The following ROBO2 variants were observed in gnomAD, a reference collection of about 807,000 sequenced individuals.
The protein encoded by ROBO2 is roundabout guidance receptor 2, also known as roundabout homolog 2.
A neutral mutation model predicts 160.8 loss-of-function variants in ROBO2; 53 were observed. That is an observed-to-expected ratio of 0.33 (90% CI 0.26 to 0.41). The LOEUF is 0.41. ROBO2 is among the 10% of genes least tolerant of loss of function. The pLI, the probability that ROBO2 is intolerant of heterozygous loss-of-function variation, is 1.00. For synonymous variants in ROBO2, 664 were observed against 611.7 expected (o/e 1.09, Z -1.26); for missense variants, 1,577 against 1,722.4 (o/e 0.92, Z 1.49).
chr3:76,977,203 A>G (rs2059858015), intron 2 of ROBO2, among the ~76,000 whole-genome samples: 1 of 152,216 alleles, frequency 6.6e-6, no homozygotes, highest in African/African-American at 2.4e-5. Context: ...AGCTCATGAT[A>G]TAAACATTAT....
intron 2 of ROBO2, among the ~76,000 whole-genome samples, chr3:76,718,835 C>T (rs374992883): frequency 6.6e-6 from 1 of 152,274 alleles, no homozygotes; most frequent in East Asian, 1.9e-4. Context: ...AAACTGAAAA[C>T]CATTGCCTAG....
chr3:76,221,753 A>C (rs1156614235), intron 2 of ROBO2, among the ~76,000 whole-genome samples: 1 of 152,122 alleles, frequency 6.6e-6, no homozygotes, highest in Non-Finnish European at 1.5e-5. Context: ...GCCCATTGCC[A>C]CACTTTTTTG....
At chr3:76,940,603 T>A (rs894216069) in intron 2 of ROBO2, among the ~76,000 whole-genome samples, 1 of 152,206 alleles carries the variant, frequency 6.6e-6, no homozygotes, top group Non-Finnish European at 1.5e-5. Flanking sequence ...ACAATAGGCA[T>A]CCATCGGCAG....
intron 2 of ROBO2, among the ~76,000 whole-genome samples, chr3:76,028,970 A>G (rs2066831013): frequency 6.6e-6 from 1 of 152,070 alleles, no homozygotes; most frequent in African/African-American, 2.4e-5. Context: ...CTATGAGCAT[A>G]TTTGCCAAAT....
rs565715893 is a variant in ROBO2, at chr3:76,916,240, G to A, written c.110-181774G>A. Among the ~76,000 whole-genome samples the A allele has an allele frequency of 2.2e-4, 33 of 152,278 alleles. No individual in the cohort carries two copies. The South Asian group carries it at 6.6e-3, about 31-fold the overall frequency. The stretch of plus-strand genomic sequence containing the variant: ...ATGAACTACATGAATATCTGTACTC[G>A]AATGAGACTTGTTTATGCAGCCATC... On this transcript the variant is annotated intron_variant, in intron 2 of 26. Transcript: ENST00000487694.
chr3:77,319,141 C>T (rs1429298257), intron 2 of ROBO2, among the ~76,000 whole-genome samples: 3 of 152,122 alleles, frequency 2.0e-5, no homozygotes, highest in African/African-American at 7.2e-5. Flanking sequence ...TGGGCAATGG[C>T]TAAGTCCATT....
intron 2 of ROBO2, among the ~76,000 whole-genome samples, chr3:76,986,024 A>G (rs1402848707): frequency 1.3e-5 from 2 of 152,200 alleles, no homozygotes; most frequent in Non-Finnish European, 2.9e-5. Context: ...CCCACTGACT[A>G]TAAATCTAAT....
chr3:77,300,183 A>ATT (rs199652959), intron 2 of ROBO2, among the ~76,000 whole-genome samples: 12 of 143,334 alleles, frequency 8.4e-5, no homozygotes, highest in African/African-American at 1.6e-4. Flanking sequence ...AGGGAAATGA[A>ATT]TTTTTTTTTT....
At chr3:77,205,290 G>A (rs2083317435) in intron 2 of ROBO2, among the ~76,000 whole-genome samples, 1 of 152,018 alleles carries the variant, frequency 6.6e-6, no homozygotes, top group South Asian at 2.1e-4. Flanking sequence ...AGCTGGGCGG[G>A]GGCAATGGAC....
intron 2 of ROBO2, among the ~76,000 whole-genome samples, chr3:76,010,302 G>A (rs2066157004): frequency 6.6e-6 from 1 of 152,214 alleles, no homozygotes; most frequent in South Asian, 2.1e-4. Flanking sequence ...TGCCTGCTGT[G>A]TATATGCAGC....
chr3:75,915,962 TA>T (rs1180883308), intron 1 of ROBO2, among the ~76,000 whole-genome samples: 1 of 152,216 alleles, frequency 6.6e-6, no homozygotes, highest in African/African-American at 2.4e-5. Context: ...GTAACACTTA[TA>T]AAAACAGTAT....
chr3:77,403,614 G>A (rs1340762453), intron 2 of ROBO2, among the ~76,000 whole-genome samples: 12 of 37,370 alleles, frequency 3.2e-4, no homozygotes, highest in African/African-American at 1.6e-3. Flanking sequence ...GTGTGTGTGT[G>A]TGTATTTTTT....
At chr3:76,944,201 A>T (rs1483978176) in intron 2 of ROBO2, among the ~76,000 whole-genome samples, 1 of 152,152 alleles carries the variant, frequency 6.6e-6, no homozygotes, top group Non-Finnish European at 1.5e-5. Flanking sequence ...AAAAAACAAC[A>T]CTTTTTAAAA....
At chr3:76,410,753 A>G (rs2075445121) in intron 2 of ROBO2, among the ~76,000 whole-genome samples, 1 of 152,208 alleles carries the variant, frequency 6.6e-6, no homozygotes, top group Non-Finnish European at 1.5e-5. Flanking sequence ...ATATGAGAAT[A>G]TACATGTCTT....
rs74937185 is a variant in ROBO2, at chr3:76,103,558, G to A, written c.109+165956G>A. ...AGTGGCAAAGAAAGGGGAGAGGACC[G>A]TTATCATTATGTTTTTATACTGATT... On this transcript the variant is annotated intron_variant, in intron 2 of 26. Transcript: ENST00000487694. 7.1e-3 allele frequency among the ~76,000 whole-genome samples: 1,082 copies of A among 152,246 alleles called. 66 individuals carry two copies. The East Asian group carries it at 0.16, about 22-fold the overall frequency.
At chr3:75,942,002 T>C (rs1303917045) in intron 2 of ROBO2, among the ~76,000 whole-genome samples, 1 of 152,180 alleles carries the variant, frequency 6.6e-6, no homozygotes, top group Non-Finnish European at 1.5e-5. Flanking sequence ...TTCGGTTCCT[T>C]ACAATCGTTT....
intron 2 of ROBO2, among the ~76,000 whole-genome samples, chr3:77,373,915 T>TAA (rs2072213112): frequency 6.7e-6 from 1 of 149,170 alleles, no homozygotes; most frequent in Non-Finnish European, 1.5e-5. Context: ...CTCGTGCCTG[T>TAA]AATCCTAGCA....
At chr3:76,130,966 A>G (rs1315007013) in intron 2 of ROBO2, among the ~76,000 whole-genome samples, 2 of 152,172 alleles carry the variant, frequency 1.3e-5, no homozygotes, top group South Asian at 4.1e-4. Context: ...AGTGATGGAC[A>G]TATGAAAAGC....
intron 2 of ROBO2, among the ~76,000 whole-genome samples, chr3:76,351,832 TCA>T (rs2074895636): frequency 6.6e-6 from 1 of 151,984 alleles, no homozygotes; most frequent in African/African-American, 2.4e-5. Context: ...TACAATGCTC[TCA>T]GTTTCTTCAT....
Sources: gnomAD v4.1 joint callset for allele counts (sites outside exome capture counted in the v4.1 genomes callset) on GRCh38, gnomAD v4.1.1 for gene constraint, MANE v1.5 for transcripts, NCBI Gene and HGNC (gene_info 2026-07-23, HGNC 2026-07-21) for gene names.